Variants in MSH5 observed in about 807,000 individuals in gnomAD.
The protein encoded by MSH5 is mutS homolog 5, also known as mutS protein homolog 5.
MSH5 carries 78 observed loss-of-function variants against 107.7 expected under a neutral mutation model. The ratio of observed to expected loss-of-function variants is 0.72; its 90% confidence interval spans 0.60 to 0.87. The LOEUF is 0.87. Among genes scored for constraint, MSH5 ranks in the 40% least tolerant of loss-of-function variants. The pLI is 0.00. For missense variants in MSH5, 889 were observed against 1,046.6 expected (o/e 0.85, Z 2.08); for synonymous variants, 326 against 399.5 (o/e 0.82, Z 2.19).
intron 5 of MSH5, 103 bp from the exon 6 acceptor site, chr6:31,743,801 G>C: frequency 2.7e-6 from 4 of 1,503,946 alleles, no homozygotes; most frequent in Non-Finnish European, 3.6e-6. Context: ...GTGTGAGCTT[G>C]GGCAAGTCAA....
At chr6:31,746,343 C>T (rs955326224) in intron 9 of MSH5, 1 of 151,156 alleles carries the variant, frequency 6.6e-6, no homozygotes, top group Non-Finnish European at 1.5e-5. Flanking sequence ...GGGATCCACT[C>T]GCCTCAGCCT....
intron 5 of MSH5, 143 bp downstream of exon 5, chr6:31,743,313 C>A: frequency 1.2e-6 from 1 of 816,250 alleles, no homozygotes; most frequent in East Asian, 2.6e-5. Context: ...GACCTGTCCC[C>A]CCAAGATCTC....
In MSH5 at chr6:31,743,103, C is replaced by A. The variant is rs570419071; in HGVS notation, c.353-5C>A. 30 of 1,613,022 alleles carry A rather than the reference C, an allele frequency of 1.9e-5. No homozygotes were observed. The South Asian group carries it at 3.1e-4, about 17-fold the overall frequency. ...AATGATAGCCTTTTCTTTCCTCCCC[C>A]ACAGCCTCCCAGGAGCACAGAGAGC... On this transcript the variant is annotated splice_region_variant and splice_polypyrimidine_tract_variant and intron_variant, in intron 4 of 24. Transcript: ENST00000375750.
In MSH5 at chr6:31,758,822, C is replaced by T. The variant is rs751712105; in HGVS notation, c.1273C>T (p.Leu425=). Reference sequence around the variant, plus strand: ...CCTTACTGAGGTTGCCCGCAAGGAGCTGGAGAATCTGGACTCCCGTATTCC... The same window carrying T: ...CCTTACTGAGGTTGCCCGCAAGGAGTTGGAGAATCTGGACTCCCGTATTCC... ...SFLTEVARKE[L]ENLDSRIPSC... Residue 425 remains leucine, a synonymous_variant, in exon 15 of 25, where the codon CTG becomes TTG. Coordinates refer to ENST00000375750, the MANE Select transcript of MSH5 (RefSeq NM_172166.4). This position sits in a 1 kb window ranked among gnomAD's most constrained non-coding sequence, Gnocchi z 5.1. 6.2e-7 allele frequency: 1 copy of T among 1,614,202 alleles called. No homozygotes were observed. The highest frequency in any genetic ancestry group is 8.5e-7 in the Non-Finnish European group (1 of 1,180,040).
chr6:31,753,450 G>C lies in MSH5; in HGVS notation c.951+11G>C. On this transcript the variant is annotated intron_variant, in intron 11 of 24. Coordinates refer to ENST00000375750, the MANE Select transcript of MSH5 (RefSeq NM_172166.4). ...ATCAAGAACGTGCCTGTGAGCCCAG[G>C]GTGGAGGGCAGGGAGGTGGGGAAGG... 3 of 1,613,038 alleles carry C rather than the reference G, an allele frequency of 1.9e-6. No homozygotes were observed. The highest frequency in any genetic ancestry group is 2.5e-6 in the Non-Finnish European group (3 of 1,179,106).
At chr6:31,744,165 G>A (rs1040535301) in intron 6 of MSH5, 25 bp from the exon 7 acceptor site, 18 of 1,601,506 alleles carry the variant, frequency 1.1e-5, no homozygotes, top group Admixed American at 5.2e-5. Context: ...GATTTACCCC[G>A]ATTCCACTGC....
chr6:31,753,283 C>G lies in MSH5; in HGVS notation c.813-18C>G, dbSNP rs746892392. ...TAGATGTAACTTGTAGTACCCCCAC[C>G]CAAACCCTCACTTCCAGGCTATGGT... On this transcript the variant is annotated intron_variant, in intron 10 of 24. Coordinates refer to ENST00000375750, the MANE Select transcript of MSH5 (RefSeq NM_172166.4). The G allele has an allele frequency of 1.9e-6, 3 of 1,586,676 alleles. No individual in the cohort carries two copies. The Admixed American group carries it at 5.1e-5, about 27-fold the overall frequency.
chr6:31,740,610 C>A lies in MSH5; in HGVS notation c.144C>A (p.Ala48=). Reference sequence around the variant, plus strand: ...AAGTCGAGGAGGAGGAGGAGCTGGCCGAGGTCTCTGAGGGGAGTAGAAACT... The same window carrying A: ...AAGTCGAGGAGGAGGAGGAGCTGGCAGAGGTCTCTGAGGGGAGTAGAAACT... ...EEEVEEEEEL[A]EIHLCVLWNS... Residue 48 remains alanine (A), a synonymous_variant, in exon 2 of 25, where the codon GCC becomes GCA. Transcript: ENST00000375750. The surrounding 1 kb of genome is among the most constrained non-coding windows in gnomAD (Gnocchi z 4.4). 1 of 1,502,076 alleles carries A rather than the reference C, an allele frequency of 6.7e-7. No homozygotes were observed. Among genetic ancestry groups the A allele is most frequent in the Non-Finnish European group, 8.9e-7 (1 of 1,127,806 alleles). 93.0% of individuals were successfully genotyped at this position (1,502,076 alleles called of 1,614,324 possible).
intron 3 of MSH5, among the ~76,000 whole-genome samples, chr6:31,742,089 A>G (rs1222799772): frequency 6.6e-6 from 1 of 152,168 alleles, no homozygotes; most frequent in Non-Finnish European, 1.5e-5. Context: ...TCACAACACT[A>G]TCACACTGGG....
rs1308639542 is a variant in MSH5, at chr6:31,761,076, C to T, written c.1963-112C>T. The T allele has an allele frequency of 1.4e-5, 16 of 1,115,118 alleles. No homozygotes were observed. The highest frequency in any genetic ancestry group is 2.1e-5 in the Non-Finnish European group (16 of 766,868). 69.1% of individuals were successfully genotyped at this position (1,115,118 alleles called of 1,614,324 possible). On this transcript the variant is annotated intron_variant, in intron 20 of 24. Transcript: ENST00000375750. This position sits in a 1 kb window ranked among gnomAD's most constrained non-coding sequence, Gnocchi z 5.3. Reference sequence around the variant, plus strand: ...AAGCGTGCACCTCACCATTCAAGAACTTGCAGTGCAGTAGGGAGGGCATGT... The same window carrying T: ...AAGCGTGCACCTCACCATTCAAGAATTTGCAGTGCAGTAGGGAGGGCATGT...
intron 10 of MSH5, among the ~76,000 whole-genome samples, chr6:31,752,935 A>G (rs2151360625): frequency 1.3e-5 from 2 of 152,342 alleles, no homozygotes; most frequent in Middle Eastern, 6.8e-3. Flanking sequence ...ACAAACTCAT[A>G]CTGACTCACC....
chr6:31,743,280 C>T (rs1562218316), intron 5 of MSH5, 110 bp downstream of exon 5: 1 of 1,141,592 alleles, frequency 8.8e-7, no homozygotes, highest in East Asian at 2.4e-5. Flanking sequence ...TCATCCTAAA[C>T]CTTTGTGCTC....
At chr6:31,749,510 C>T (rs1414559591) in intron 10 of MSH5, among the ~76,000 whole-genome samples, 1 of 151,886 alleles carries the variant, frequency 6.6e-6, no homozygotes, top group African/African-American at 2.4e-5. Flanking sequence ...CCACTGCACT[C>T]CAGCCTGGGC....
chr6:31,756,317 G>A (rs531001020), intron 12 of MSH5, among the ~76,000 whole-genome samples: 117 of 151,452 alleles, frequency 7.7e-4, no homozygotes, highest in Non-Finnish European at 1.3e-3. Flanking sequence ...ACTTACAGGC[G>A]CACACCACCA....
Position 31,740,144 on chromosome 6 carries a change from G to T in MSH5, c.-14+82G>T. On this transcript the variant is annotated intron_variant, in intron 1 of 24. Transcript: ENST00000375750. This position sits in a 1 kb window ranked among gnomAD's most constrained non-coding sequence, Gnocchi z 4.4. ...AAGCGCGTGAGGCTGGGGTCCTGGCGCGTGGTTGGCAGAGGCAGAGACATA... is the reference window on the plus strand; with the variant it reads ...AAGCGCGTGAGGCTGGGGTCCTGGCTCGTGGTTGGCAGAGGCAGAGACATA... The T allele has an allele frequency of 3.8e-6, 1 of 260,604 alleles. No homozygotes were observed. Among genetic ancestry groups the T allele is most frequent in the Non-Finnish European group, 7.2e-6 (1 of 138,074 alleles). 16.1% of individuals were successfully genotyped at this position (260,604 alleles called of 1,614,324 possible). A position where few individuals can be genotyped will look rare whatever the true frequency, so the allele number is the denominator to read the frequency against.
chr6:31,753,607 G>C lies in MSH5; in HGVS notation c.992G>C (p.Ser331Thr), dbSNP rs1219232275. The C allele has an allele frequency of 6.2e-7, 1 of 1,614,154 alleles. No individual in the cohort carries two copies. Among genetic ancestry groups the C allele is most frequent in the African/African-American group, 1.3e-5 (1 of 75,038 alleles). ...KRMKLSHTKV[S>T]DWQVLYKTVY... ...ATGAAGTTGTCCCACACCAAGGTCA[G>C]CGACTGGCAGGTTCTCTACAAGGTA... Residue 331 changes from serine (S) to threonine (T), a missense_variant, in exon 12 of 25, where the codon AGC (serine) becomes ACC (threonine). By Grantham distance (58) the Ser-to-Thr change is moderately conservative. Coordinates refer to ENST00000375750, the MANE Select transcript of MSH5 (RefSeq NM_172166.4).
rs1810918779 is a variant in MSH5, at chr6:31,760,773, C to T, written c.1896C>T (p.Phe632=). ...AAATTGGGGCAGTAGACGCCATCTTCACACGAATTCATAGCTGCGAATCCA... is the reference window on the plus strand; with the variant it reads ...AAATTGGGGCAGTAGACGCCATCTTTACACGAATTCATAGCTGCGAATCCA... ...EAEIGAVDAI[F]TRIHSCESIS... is the part of the protein sequence containing the mutation. The change falls in exon 20 of 25, where the codon TTC becomes TTT. Residue 632 remains phenylalanine (F), a synonymous_variant. Transcript: ENST00000375750. The surrounding 1 kb of genome is among the most constrained non-coding windows in gnomAD (Gnocchi z 5.6). 6.2e-7 allele frequency: 1 copy of T among 1,612,930 alleles called. No homozygotes were observed. Among genetic ancestry groups the T allele is most frequent in the African/African-American group, 1.3e-5 (1 of 74,934 alleles).
At position 31,762,519 on chromosome 6, in the gene MSH5, C is replaced by A; in HGVS notation, c.2493C>A (p.Thr831=). 1 of 1,612,942 alleles carries A rather than the reference C, an allele frequency of 6.2e-7. No homozygotes were observed. Among genetic ancestry groups the A allele is most frequent in the Non-Finnish European group, 8.5e-7 (1 of 1,178,946 alleles). The change falls in exon 25 of 25, where the codon ACC becomes ACA. Residue 831 remains threonine, a synonymous_variant. Coordinates refer to ENST00000375750, the MANE Select transcript of MSH5 (RefSeq NM_172166.4). ...GCCAGGAAGTGCTGCCTGCTGCCAC[C>A]AGCATCCTCTGAGAGTCCTTCCAGT... The part of the protein sequence containing the change: ...FMSQEVLPAA[T]SIL
chr6:31,758,867 A>C lies in MSH5; in HGVS notation c.1318A>C (p.Ile440Leu). 2 of 1,613,708 alleles carry C rather than the reference A, an allele frequency of 1.2e-6. No individual in the cohort carries two copies. The highest frequency in any genetic ancestry group is 1.7e-6 in the Non-Finnish European group (2 of 1,179,594). ...TATTCCTTCATGCAGTGTCATCTAC[A>C]TCCCTCTGGTGAGGGCAGGAGAGTG... The part of the protein sequence containing the change: ...SRIPSCSVIY[I>L]PLIGFLLSIP... The change falls in exon 15 of 25, where the codon ATC becomes CTC. Residue 440 changes from isoleucine to leucine, a missense_variant. By Grantham distance (5) the Ile-to-Leu change is conservative. This residue lies in a region of MSH5 where 518 missense variants were observed against 565.0 expected (regional missense o/e 0.92). Coordinates refer to ENST00000375750, the MANE Select transcript of MSH5 (RefSeq NM_172166.4). The surrounding 1 kb of genome is among the most constrained non-coding windows in gnomAD (Gnocchi z 5.1).
Sources: gnomAD v4.1 joint callset for allele counts (sites outside exome capture counted in the v4.1 genomes callset) on GRCh38, gnomAD v4.1.1 for gene constraint, gnomAD v4.1.1 regional missense constraint, Gnocchi (gnomAD v3.1) non-coding constraint, MANE v1.5 for transcripts, NCBI Gene and HGNC (gene_info 2026-07-23, HGNC 2026-07-21) for gene names.